The following RALYL variants were observed in gnomAD, a reference collection of about 807,000 sequenced individuals.
The protein encoded by RALYL is RNA-binding Raly-like protein.
Under a neutral mutation model 35.1 loss-of-function variants are expected in RALYL, and 29 were observed. That is an observed-to-expected ratio of 0.83 (90% CI 0.61 to 1.13). The LOEUF (loss-of-function observed/expected upper bound fraction) is 1.13, where lower values mean the gene tolerates loss of function less well. RALYL is among the 50% of genes most tolerant of loss of function. RALYL has a pLI of 0.00. For synonymous variants in RALYL, 120 were observed against 127.6 expected (o/e 0.94, Z 0.40); for missense variants, 359 against 360.4 (o/e 1.00, Z 0.03).
chr8:84,606,712 A>G (rs1293762766), intron 2 of RALYL, among the ~76,000 whole-genome samples: 3 of 152,156 alleles, frequency 2.0e-5, no homozygotes, highest in South Asian at 2.1e-4. Flanking sequence ...GAATTCATAC[A>G]TGGACCTTTG....
At chr8:84,634,745 T>C (rs752289359) in intron 2 of RALYL, among the ~76,000 whole-genome samples, 3 of 151,748 alleles carry the variant, frequency 2.0e-5, no homozygotes, top group Non-Finnish European at 4.4e-5. Context: ...GAAGCCATAG[T>C]ATAGTGTGTC....
intron 1 of RALYL, among the ~76,000 whole-genome samples, chr8:84,297,556 T>C (rs1203592280): frequency 1.3e-5 from 2 of 152,108 alleles, no homozygotes; most frequent in East Asian, 3.8e-4. Flanking sequence ...ATTTATATTT[T>C]TGGAGGTATA....
intron 2 of RALYL, among the ~76,000 whole-genome samples, chr8:84,687,955 A>G (rs1215176032): frequency 6.6e-6 from 1 of 152,124 alleles, no homozygotes; most frequent in Non-Finnish European, 1.5e-5. Flanking sequence ...GACAGAAATA[A>G]TATGAGAAAG....
chr8:84,534,626 G>T (rs2059480167), intron 2 of RALYL, among the ~76,000 whole-genome samples: 1 of 152,144 alleles, frequency 6.6e-6, no homozygotes, highest in Admixed American at 6.5e-5. Flanking sequence ...GGAATGGATG[G>T]ACTTGGCTAA....
intron 2 of RALYL, among the ~76,000 whole-genome samples, chr8:84,652,226 A>C (rs910735025): frequency 2.0e-5 from 3 of 152,126 alleles, no homozygotes; most frequent in African/African-American, 7.2e-5. Context: ...TTAGCATTTT[A>C]AATCAATCAG....
intron 1 of RALYL, among the ~76,000 whole-genome samples, chr8:84,390,956 G>A (rs1860541717): frequency 6.6e-6 from 1 of 151,834 alleles, no homozygotes; most frequent in Non-Finnish European, 1.5e-5. Context: ...CAAACTTTAG[G>A]GGCCACATGT....
chr8:84,418,416 C>T (rs1424592544), intron 1 of RALYL, among the ~76,000 whole-genome samples: 1 of 151,966 alleles, frequency 6.6e-6, no homozygotes, highest in East Asian at 1.9e-4. Context: ...ATGTCTATGA[C>T]AATTTAATTA....
At chr8:84,503,320 A>ATTTT (rs551446229) in intron 1 of RALYL, among the ~76,000 whole-genome samples, 1 of 135,070 alleles carries the variant, frequency 7.4e-6, no homozygotes, top group Non-Finnish European at 1.6e-5. Context: ...TGCCTGGCTA[A>ATTTT]TTTTTTTTTT....
intron 2 of RALYL, among the ~76,000 whole-genome samples, chr8:84,695,037 T>G (rs1486626026): frequency 2.0e-5 from 3 of 151,802 alleles, no homozygotes; most frequent in African/African-American, 7.2e-5. Context: ...ATAATTAACG[T>G]CAGATATTAA....
chr8:84,891,184 T>C (rs563231563), intron 8 of RALYL, among the ~76,000 whole-genome samples: 2 of 152,246 alleles, frequency 1.3e-5, no homozygotes, highest in South Asian at 4.1e-4. Flanking sequence ...ATGAGTCATC[T>C]ACATGGGCAT....
At chr8:84,878,435 G>GAGAC (rs1009209824) in intron 7 of RALYL, among the ~76,000 whole-genome samples, 2 of 152,066 alleles carry the variant, frequency 1.3e-5, no homozygotes, top group African/African-American at 4.8e-5. Context: ...ACCACCTACA[G>GAGAC]AGACAGTATC....
At chr8:84,461,369 C>T (rs1459238315) in intron 1 of RALYL, among the ~76,000 whole-genome samples, 1 of 151,512 alleles carries the variant, frequency 6.6e-6, no homozygotes, top group Non-Finnish European at 1.5e-5. Context: ...AATGAGGCTA[C>T]AAGACAAATC....
chr8:84,440,977 T>C (rs2048270944), intron 1 of RALYL, among the ~76,000 whole-genome samples: 1 of 152,078 alleles, frequency 6.6e-6, no homozygotes, highest in Admixed American at 6.6e-5. Context: ...CTATTTTTCA[T>C]TCCCACCAGA....
intron 3 of RALYL, among the ~76,000 whole-genome samples, chr8:84,788,292 T>G (rs576694794): frequency 4.6e-5 from 7 of 152,186 alleles, no homozygotes; most frequent in Non-Finnish European, 1.0e-4. Context: ...CCATATGATC[T>G]TTGACAAACC....
intron 6 of RALYL, among the ~76,000 whole-genome samples, chr8:84,866,197 A>G (rs548282128): frequency 6.6e-6 from 1 of 152,288 alleles, no homozygotes; most frequent in East Asian, 1.9e-4. Flanking sequence ...AGATAGAATG[A>G]GAGATACTTG....
chr8:84,754,143 A>C (rs1265175357), intron 2 of RALYL, among the ~76,000 whole-genome samples: 1 of 152,018 alleles, frequency 6.6e-6, no homozygotes, highest in East Asian at 1.9e-4. Context: ...CTTTAGTTTA[A>C]TTAGATCCCA....
intron 6 of RALYL, among the ~76,000 whole-genome samples, chr8:84,869,153 T>C (rs1839728588): frequency 6.6e-6 from 1 of 152,106 alleles, no homozygotes; most frequent in Non-Finnish European, 1.5e-5. Flanking sequence ...ATCATATTTT[T>C]CACATCAACT....
chr8:84,446,872 C>T (rs900574917), intron 1 of RALYL, among the ~76,000 whole-genome samples: 2 of 152,060 alleles, frequency 1.3e-5, no homozygotes, highest in African/African-American at 4.8e-5. Flanking sequence ...AGGCCAAAAG[C>T]ATTTTGGCAA....
At chr8:84,554,995 T>C (rs1225587674) in intron 2 of RALYL, among the ~76,000 whole-genome samples, 1 of 152,164 alleles carries the variant, frequency 6.6e-6, no homozygotes, top group Non-Finnish European at 1.5e-5. Context: ...CTATAAAATA[T>C]GTTGGCCTGG....
Sources: gnomAD v4.1 joint callset for allele counts (sites outside exome capture counted in the v4.1 genomes callset) on GRCh38, gnomAD v4.1.1 for gene constraint, MANE v1.5 for transcripts, NCBI Gene and HGNC (gene_info 2026-07-23, HGNC 2026-07-21) for gene names.